Variants in DNMT3A observed in about 807,000 individuals in gnomAD.
DNMT3A encodes DNA methyltransferase 3 alpha.
Under a neutral mutation model 117.6 loss-of-function variants are expected in DNMT3A, and 267 were observed. The ratio of observed to expected loss-of-function variants is 2.27; its 90% CI spans 2.05 to 2.51. DNMT3A has a LOEUF of 2.51. Among genes scored for constraint, DNMT3A ranks in the 30% most tolerant of loss-of-function variants. The pLI is 0.00. For missense variants in DNMT3A, 1,029 were observed against 1,260.2 expected, an observed-to-expected ratio of 0.82 and a Z score of 2.78; for synonymous variants, 432 against 474.8, an observed-to-expected ratio of 0.91 and a Z score of 1.17.
At chr2:25,275,450 CCTT>C (rs1318783250) in intron 5 of DNMT3A, 47 bp downstream of exon 5, 6 of 1,545,958 alleles carry the variant, frequency 3.9e-6, no homozygotes, top group Middle Eastern at 1.7e-4. Context: ...CCACCCGTGT[CCTT>C]CTTCTAGAAT....
chr2:25,265,039 G>A (rs2030169201), intron 6 of DNMT3A, among the ~76,000 whole-genome samples: 1 of 152,154 alleles, frequency 6.6e-6, no homozygotes, highest in African/African-American at 2.4e-5. Context: ...GCTAAGGAGG[G>A]GCAGAAGCTG....
intron 16 of DNMT3A, among the ~76,000 whole-genome samples, chr2:25,243,601 T>G (rs923418275): frequency 1.3e-5 from 2 of 152,258 alleles, no homozygotes; most frequent in Non-Finnish European, 2.9e-5. Flanking sequence ...TTTGAGGCTC[T>G]GTGAAATCTC....
At chr2:25,241,809 G>A (rs1366949663) in intron 16 of DNMT3A, 102 bp from the exon 17 acceptor site, 2 of 1,454,064 alleles carry the variant, frequency 1.4e-6, no homozygotes, top group Non-Finnish European at 9.3e-7. Flanking sequence ...GGGGTCAGCT[G>A]TAGGCCCAAG....
At position 25,249,939 on chromosome 2, in the gene DNMT3A, G is replaced by C. The variant is rs1031017865; in HGVS notation, c.640-1687C>G. Among the ~76,000 whole-genome samples, 5 of 152,330 alleles carry C rather than the reference G, an allele frequency of 3.3e-5. No homozygotes were observed. The East Asian group carries it at 9.6e-4, about 29-fold the overall frequency. On this transcript the variant is annotated intron_variant, in intron 6 of 22. Transcript: ENST00000321117. Reference sequence around the variant, plus strand: ...GCAAACCCATCCTCAAGGGTAAAGAGGATGAGCAAGCAACCTGGAGTATGA... The same window carrying C: ...GCAAACCCATCCTCAAGGGTAAAGACGATGAGCAAGCAACCTGGAGTATGA...
chr2:25,330,374 A>G (rs1332548513), intron 1 of DNMT3A, among the ~76,000 whole-genome samples: 1 of 152,070 alleles, frequency 6.6e-6, no homozygotes, highest in Non-Finnish European at 1.5e-5. Context: ...CCCCAGCCAG[A>G]GACAGCCCGA....
rs987110993 is a variant in DNMT3A at position 25,247,934 on chromosome 2, C to T, written c.855+103G>A. On this transcript the variant is annotated intron_variant, in intron 7 of 22. Transcript: ENST00000321117. This position sits in a 1 kb window ranked among gnomAD's most constrained non-coding sequence, Gnocchi z 5.6. ...GAGGCCCGGGGTCAGGTGGAGAGAG[C>T]GAGCGGCCCGTGGGAGATGGAGAGA... is the stretch of plus-strand genomic sequence containing the variant. 1.4e-5 allele frequency: 21 copies of T among 1,545,294 alleles called. No homozygotes were observed. The highest frequency in any genetic ancestry group is 5.5e-5 in the African/African-American group (4 of 72,834).
At chr2:25,246,850 C>T (rs1326958182) in intron 9 of DNMT3A, 74 bp from the exon 10 acceptor site, 2 of 1,581,360 alleles carry the variant, frequency 1.3e-6, no homozygotes, top group East Asian at 2.2e-5. Context: ...CAAGGCCAGA[C>T]TCTGAGTAGT....
At chr2:25,239,545 AATG>A (rs1468168895) in intron 19 of DNMT3A, 1 of 555,586 alleles carries the variant, frequency 1.8e-6, no homozygotes, top group South Asian at 1.5e-5. Flanking sequence ...TGAGGAGCTG[AATG>A]GTTAATGTTA....
Position 25,281,698 on chromosome 2 carries a change from C to T in DNMT3A, c.448+743G>A. On this transcript the variant is annotated intron_variant, in intron 4 of 22. Transcript: ENST00000321117. The surrounding 1 kb of genome is among the most constrained non-coding windows in gnomAD (Gnocchi z 4.8). ...GAAGCCCTGTACAAATGCTAGTTGT[C>T]CTCATTACTAACATGTTTACAGCTC... The T allele has an allele frequency of 4.7e-6, 5 of 1,065,790 alleles. No homozygotes were observed. Among genetic ancestry groups the T allele is most frequent in the Non-Finnish European group, 5.7e-6 (5 of 879,560 alleles). The allele number at this position is 1,065,790 out of a possible 1,614,324, so 66.0% of individuals were successfully genotyped here.
At chr2:25,309,484 T>G (rs2033964697) in intron 2 of DNMT3A, among the ~76,000 whole-genome samples, 1 of 152,086 alleles carries the variant, frequency 6.6e-6, no homozygotes, top group Admixed American at 6.5e-5. Context: ...AGAGCGCCAT[T>G]ATGCAGTGAA....
At chr2:25,299,935 A>G (rs1167612562) in intron 3 of DNMT3A, among the ~76,000 whole-genome samples, 1 of 152,140 alleles carries the variant, frequency 6.6e-6, no homozygotes, top group Admixed American at 6.5e-5. Context: ...CGTCTCAGTA[A>G]AAAAGTAAAT....
At chr2:25,273,243 T>C (rs1479031337) in intron 6 of DNMT3A, among the ~76,000 whole-genome samples, 1 of 152,150 alleles carries the variant, frequency 6.6e-6, no homozygotes, top group East Asian at 1.9e-4. Context: ...CCCAAAGTGC[T>C]GGGATTACAG....
At position 25,282,061 on chromosome 2, in the gene DNMT3A, C is replaced by G. The variant is rs2031917199; in HGVS notation, c.448+380G>C. 1 of 1,159,544 alleles carries G rather than the reference C, an allele frequency of 8.6e-7. No individual in the cohort carries two copies. Among genetic ancestry groups the G allele is most frequent in the African/African-American group, 1.6e-5 (1 of 62,350 alleles). The allele number at this position is 1,159,544 out of a possible 1,614,324, so 71.8% of individuals were successfully genotyped here. A position where few individuals can be genotyped will look rare whatever the true frequency, so the allele number is the denominator to read the frequency against. Reference sequence around the variant, plus strand: ...CAGGTAGAGCTGCAGAAAACTAAGGCCCACAACCAGCCACAGAAGGCGATG... The same window carrying G: ...CAGGTAGAGCTGCAGAAAACTAAGGGCCACAACCAGCCACAGAAGGCGATG... On this transcript the variant is annotated intron_variant, in intron 4 of 22. Transcript: ENST00000321117. This position sits in a 1 kb window ranked among gnomAD's most constrained non-coding sequence, Gnocchi z 5.2.
At chr2:25,302,637 T>C (rs887500157) in intron 2 of DNMT3A, among the ~76,000 whole-genome samples, 3 of 151,974 alleles carry the variant, frequency 2.0e-5, no homozygotes, top group Non-Finnish European at 4.4e-5. Context: ...ACACGCCCCA[T>C]GGGAGGGGAG....
rs150451861 is a variant in DNMT3A at position 25,249,691 on chromosome 2, C to T, written c.640-1439G>A. On this transcript the variant is annotated intron_variant, in intron 6 of 22. Transcript: ENST00000321117. ...CTCGTCTTTCAGGCTACGATCCACG[C>T]GCCCATTCCTTCTCACAACCCGCTC... 1.3e-4 allele frequency: 204 copies of T among 1,614,216 alleles called. 2 individuals are homozygous for T. In the African/African-American group the frequency reaches 1.6e-3, roughly 13 times the overall value.
intron 2 of DNMT3A, among the ~76,000 whole-genome samples, chr2:25,308,968 T>TACACACACACAC (rs10628428): frequency 0.01 from 1,468 of 144,038 alleles, 15 homozygotes; most frequent in African/African-American, 0.016. Flanking sequence ...CACAGATGCA[T>TACACACACACAC]ACACACACAC....
intron 16 of DNMT3A, among the ~76,000 whole-genome samples, chr2:25,243,294 G>A (rs1244240957): frequency 2.8e-5 from 4 of 142,192 alleles, no homozygotes; most frequent in African/African-American, 1.1e-4. Context: ...AACAGACTCC[G>A]TCTCAAAAAA....
At chr2:25,312,552 G>C (rs2034178703) in intron 2 of DNMT3A, among the ~76,000 whole-genome samples, 1 of 152,158 alleles carries the variant, frequency 6.6e-6, no homozygotes, top group Admixed American at 6.5e-5. Context: ...TGCAGGTAGG[G>C]CTGTGGGAAG....
At chr2:25,310,214 T>G (rs2034032114) in intron 2 of DNMT3A, among the ~76,000 whole-genome samples, 2 of 152,052 alleles carry the variant, frequency 1.3e-5, no homozygotes, top group South Asian at 2.1e-4. Context: ...TGATTCATAT[T>G]TGGGGATCTG....
Sources: gnomAD v4.1 joint callset for allele counts (sites outside exome capture counted in the v4.1 genomes callset) on GRCh38, gnomAD v4.1.1 for gene constraint, Gnocchi (gnomAD v3.1) non-coding constraint, MANE v1.5 for transcripts, NCBI Gene and HGNC (gene_info 2026-07-23, HGNC 2026-07-21) for gene names.